Variants in RAI14 observed in about 807,000 individuals in gnomAD.
RAI14 encodes retinoic acid induced 14.
In RAI14, 45 loss-of-function variants were observed where a neutral mutation model predicts 115.4. That is an observed-to-expected ratio of 0.39 (90% confidence interval 0.31 to 0.50). The LOEUF is 0.50. Ranked by LOEUF, RAI14 falls within the 20% of genes least tolerant of loss-of-function variation. The pLI, the probability that RAI14 is intolerant of heterozygous loss-of-function variation, is 0.85. For synonymous variants in RAI14, 371 were observed against 415.4 expected (o/e 0.89, Z 1.30); for missense variants, 939 against 1,131.2 (o/e 0.83, Z 2.44).
At chr5:34,774,031 C>A (rs1200784300) in intron 3 of RAI14, among the ~76,000 whole-genome samples, 4 of 152,132 alleles carry the variant, frequency 2.6e-5, no homozygotes, top group African/African-American at 2.4e-5. Flanking sequence ...TGGAAAAAAA[C>A]CAAAGACTCC....
At chr5:34,723,310 T>C (rs1743036048) in intron 2 of RAI14, among the ~76,000 whole-genome samples, 1 of 152,042 alleles carries the variant, frequency 6.6e-6, no homozygotes, top group Admixed American at 6.5e-5. Flanking sequence ...GCTCATGTGA[T>C]TGTGGGCTGG....
intron 2 of RAI14, among the ~76,000 whole-genome samples, chr5:34,695,057 C>T (rs1739055351): frequency 6.6e-6 from 1 of 152,082 alleles, no homozygotes; most frequent in Non-Finnish European, 1.5e-5. Flanking sequence ...TGCCACCATA[C>T]CCGGCTGATT....
At chr5:34,815,379 CAA>C (rs112615163) in intron 12 of RAI14, among the ~76,000 whole-genome samples, 4 of 109,510 alleles carry the variant, frequency 3.7e-5, no homozygotes, top group Non-Finnish European at 3.8e-5. Context: ...GACTCCGTCT[CAA>C]AAAAAAAAAA....
At chr5:34,814,021 G>A (rs1285752971) in intron 11 of RAI14, among the ~76,000 whole-genome samples, 4 of 152,112 alleles carry the variant, frequency 2.6e-5, no homozygotes, top group African/African-American at 9.7e-5. Flanking sequence ...TAGCCATTGA[G>A]GCAATTAGTT....
intron 2 of RAI14, among the ~76,000 whole-genome samples, chr5:34,750,848 A>ATTTTTTTTTTTTTTTTTTTTTT (rs869028180): frequency 1.2e-5 from 1 of 83,638 alleles, no homozygotes; most frequent in Non-Finnish European, 2.1e-5. Context: ...TTGCTTTATC[A>ATTTTTTTTTTTTTTTTTTTTTT]TTTTTTTTTT....
intron 2 of RAI14, among the ~76,000 whole-genome samples, chr5:34,731,186 G>A (rs189313447): frequency 3.0e-4 from 45 of 152,256 alleles, no homozygotes; most frequent in African/African-American, 1.1e-3. Context: ...AAGTATGGGT[G>A]TGGATTTTTA....
At chr5:34,787,039 T>C (rs1383603832) in intron 3 of RAI14, among the ~76,000 whole-genome samples, 1 of 152,236 alleles carries the variant, frequency 6.6e-6, no homozygotes, top group Non-Finnish European at 1.5e-5. Flanking sequence ...TGCTATTGTT[T>C]GTGGTTCAGG....
intron 5 of RAI14, among the ~76,000 whole-genome samples, chr5:34,806,726 TG>T (rs1274603088): frequency 4.0e-5 from 6 of 151,712 alleles, no homozygotes; most frequent in African/African-American, 1.2e-4. Context: ...GAGGAGCAGG[TG>T]GGGCACGGGG....
At chr5:34,683,728 C>T (rs1481936586) in intron 1 of RAI14, among the ~76,000 whole-genome samples, 3 of 151,784 alleles carry the variant, frequency 2.0e-5, no homozygotes, top group Admixed American at 2.0e-4. Context: ...AGGGCGATTC[C>T]CACCTTTTTT....
At chr5:34,798,982 G>A (rs146145336) in intron 4 of RAI14, among the ~76,000 whole-genome samples, 135 of 152,252 alleles carry the variant, frequency 8.9e-4, no homozygotes, top group Middle Eastern at 3.4e-3. Context: ...GGGCTTCATC[G>A]TTTTATTTTG....
rs746593381 is a variant in RAI14 at position 34,796,022 on chromosome 5, C to T, written c.251C>T (p.Thr84Ile). 1.2e-6 allele frequency: 2 copies of T among 1,608,136 alleles called. No homozygotes were observed. Among genetic ancestry groups the T allele is most frequent in the Admixed American group, 1.7e-5 (1 of 59,966 alleles). Residue 84 changes from threonine (T) to isoleucine (I), a missense_variant, in exon 4 of 18, where the codon ACT becomes ATT. Coordinates refer to ENST00000265109, the MANE Select transcript of RAI14 (RefSeq NM_015577.3). ...GGTGTGGATGTGACAGCCCAAGATA[C>T]TACCGGTATGTGGTTTTTAGTCTCT... ...THGVDVTAQD[T>I]TGHSALHLAA...
In RAI14 at chr5:34,723,761, C is replaced by A. The variant is rs569510568; in HGVS notation, c.37-33707C>A. On this transcript the variant is annotated intron_variant, in intron 2 of 17. Coordinates refer to ENST00000265109, the MANE Select transcript of RAI14 (RefSeq NM_015577.3). ...AACATCACTTAATTATTTGAATCAA[C>A]CTTTTGTTTTAATACATGAGTGAGT... Among the ~76,000 whole-genome samples the A allele has an allele frequency of 5.3e-5, 8 of 152,182 alleles. No individual in the cohort carries two copies. The South Asian group carries it at 1.0e-3, about 20-fold the overall frequency.
rs1156597012 is a variant in RAI14, at chr5:34,799,530, ACACAC to A, written c.256+3504_256+3508del. Among the ~76,000 whole-genome samples the A allele has an allele frequency of 4.0e-4, 35 of 87,516 alleles. 2 individuals are homozygous for A. Among genetic ancestry groups the A allele is most frequent in the African/African-American group, 1.5e-3 (35 of 24,120 alleles). 57.4% of individuals were successfully genotyped at this position (87,516 alleles called of 152,430 possible). On this transcript the variant is annotated intron_variant, in intron 4 of 17. Coordinates refer to ENST00000265109, the MANE Select transcript of RAI14 (RefSeq NM_015577.3). ...CACACACACACACACACACACACAC[ACACAC>A]ACACAAAACCACCTTTCAAAATCTA...
intron 1 of RAI14, among the ~76,000 whole-genome samples, chr5:34,680,861 T>G (rs773731566): frequency 2.0e-5 from 3 of 152,244 alleles, no homozygotes; most frequent in Non-Finnish European, 4.4e-5. Flanking sequence ...TTTATTCATA[T>G]CCTCAGTTAG....
intron 2 of RAI14, among the ~76,000 whole-genome samples, chr5:34,715,666 A>T (rs1741900896): frequency 6.6e-6 from 1 of 151,958 alleles, no homozygotes; most frequent in Non-Finnish European, 1.5e-5. Flanking sequence ...CTATTCTTTC[A>T]TTTTAACTTT....
At chr5:34,778,776 A>G (rs1308676714) in intron 3 of RAI14, among the ~76,000 whole-genome samples, 13 of 151,242 alleles carry the variant, frequency 8.6e-5, no homozygotes, top group Non-Finnish European at 1.5e-5. Flanking sequence ...AAAAAAAACT[A>G]TCTTAATGGT....
At chr5:34,777,818 G>T (rs1161705427) in intron 3 of RAI14, among the ~76,000 whole-genome samples, 1 of 151,664 alleles carries the variant, frequency 6.6e-6, no homozygotes, top group Non-Finnish European at 1.5e-5. Flanking sequence ...ATCTCATGAA[G>T]ACAGAGAATA....
intron 3 of RAI14, among the ~76,000 whole-genome samples, chr5:34,770,976 G>A (rs948419834): frequency 6.6e-6 from 1 of 152,160 alleles, no homozygotes; most frequent in Non-Finnish European, 1.5e-5. Context: ...GAACTGAGAT[G>A]CTGAGGCTCT....
At chr5:34,704,197 A>T (rs1364024755) in intron 2 of RAI14, among the ~76,000 whole-genome samples, 2 of 152,252 alleles carry the variant, frequency 1.3e-5, no homozygotes, top group Non-Finnish European at 2.9e-5. Flanking sequence ...ACTGGTTACT[A>T]GCTTCTGCAT....
Sources: gnomAD v4.1 joint callset for allele counts (sites outside exome capture counted in the v4.1 genomes callset) on GRCh38, gnomAD v4.1.1 for gene constraint, MANE v1.5 for transcripts, NCBI Gene and HGNC (gene_info 2026-07-23, HGNC 2026-07-21) for gene names.